SEMA3E: variants seen among roughly 807,000 people sequenced by gnomAD.
The protein encoded by SEMA3E is semaphorin 3E.
In SEMA3E, 49 loss-of-function variants were observed where a neutral mutation model predicts 93.6. The observed-to-expected ratio is 0.52, with a 90% CI of 0.42 to 0.66. The LOEUF (loss-of-function observed/expected upper bound fraction) is 0.66, where lower values mean the gene tolerates loss of function less well. Among genes scored for constraint, SEMA3E ranks in the 30% least tolerant of loss-of-function variants. SEMA3E has a pLI of 0.00. For missense variants in SEMA3E, 906 were observed against 964.8 expected, an observed-to-expected ratio of 0.94 and a Z score of 0.81; for synonymous variants, 363 against 330.7, an observed-to-expected ratio of 1.10 and a Z score of -1.06.
intron 6 of SEMA3E, 103 bp from the exon 7 acceptor site, chr7:83,407,342 C>T (rs1788350329): frequency 4.0e-6 from 4 of 994,376 alleles, no homozygotes; most frequent in South Asian, 3.0e-5. Flanking sequence ...TTAAGTTTAA[C>T]TTTCACCATT....
chr7:83,461,568 G>A (rs897483752), intron 4 of SEMA3E, among the ~76,000 whole-genome samples: 6 of 152,114 alleles, frequency 3.9e-5, no homozygotes, highest in Non-Finnish European at 7.4e-5. Flanking sequence ...ATCAGATAGC[G>A]TTTAGGCTCT....
At chr7:83,390,141 G>A (rs1787984917) in intron 14 of SEMA3E, among the ~76,000 whole-genome samples, 1 of 36,596 alleles carries the variant, frequency 2.7e-5, no homozygotes, top group African/African-American at 9.7e-5. Context: ...GCACATATAT[G>A]CGCGTATACG....
intron 1 of SEMA3E, among the ~76,000 whole-genome samples, chr7:83,580,357 T>C (rs1792494555): frequency 6.6e-6 from 1 of 152,010 alleles, no homozygotes; most frequent in African/African-American, 2.4e-5. Context: ...ACCTTCACCT[T>C]ACCTAAAATG....
intron 1 of SEMA3E, among the ~76,000 whole-genome samples, chr7:83,602,430 C>A (rs143385210): frequency 6.6e-6 from 1 of 152,060 alleles, no homozygotes; most frequent in Non-Finnish European, 1.5e-5. Flanking sequence ...CCTATCCAGA[C>A]AGATATGCCC....
rs533103068 is a variant in SEMA3E, at chr7:83,439,678, CTA to C, written c.457-21197_457-21196del. Among the ~76,000 whole-genome samples the C allele has an allele frequency of 3.9e-5, 6 of 152,294 alleles. No individual in the cohort carries two copies. In the South Asian group the frequency reaches 1.2e-3, roughly 32 times the overall value. On this transcript the variant is annotated intron_variant, in intron 4 of 16. Coordinates refer to ENST00000643230, the MANE Select transcript of SEMA3E (RefSeq NM_012431.3). ...CATACTTGAAATGAGAAAACTTGCT[CTA>C]TGAGTCTTGAGTGTGAGAGCATATT... is the stretch of plus-strand genomic sequence containing the variant.
chr7:83,472,489 T>A (rs372449999), intron 2 of SEMA3E, among the ~76,000 whole-genome samples: 1 of 152,154 alleles, frequency 6.6e-6, no homozygotes, highest in African/African-American at 2.4e-5. Flanking sequence ...AGTCTCCTAC[T>A]TAATATTGTT....
chr7:83,603,291 A>G (rs1793037607), intron 1 of SEMA3E, among the ~76,000 whole-genome samples: 1 of 152,114 alleles, frequency 6.6e-6, no homozygotes, highest in Non-Finnish European at 1.5e-5. Flanking sequence ...TCTAATGAGT[A>G]TTAGATTGTT....
intron 1 of SEMA3E, among the ~76,000 whole-genome samples, chr7:83,533,935 G>C (rs1791356757): frequency 6.6e-6 from 1 of 152,118 alleles, no homozygotes. Context: ...TTCAGGGAGG[G>C]CTTCTTGCCT....
intron 1 of SEMA3E, among the ~76,000 whole-genome samples, chr7:83,561,935 A>G (rs973068278): frequency 6.6e-6 from 1 of 152,098 alleles, no homozygotes; most frequent in Non-Finnish European, 1.5e-5. Flanking sequence ...GCCCTTTTGA[A>G]AGAAAATCAG....
intron 1 of SEMA3E, among the ~76,000 whole-genome samples, chr7:83,555,094 A>G (rs1333329716): frequency 6.6e-6 from 1 of 152,142 alleles, no homozygotes; most frequent in East Asian, 1.9e-4. Context: ...CATTATAGAG[A>G]ATAGGTGCAG....
In SEMA3E at chr7:83,385,291, T is replaced by C. The variant is rs1562755554; in HGVS notation, c.1875+3A>G. ...ATGTTTTGAATATGCAGCTATGAAT[T>C]ACCTCCTCTTTTCTTGTCTCACGTC... On this transcript the variant is annotated splice_donor_region_variant and intron_variant, in intron 16 of 16. Transcript: ENST00000643230. The C allele has an allele frequency of 1.2e-6, 2 of 1,613,066 alleles. No individual in the cohort carries two copies. Among genetic ancestry groups the C allele is most frequent in the Non-Finnish European group, 1.7e-6 (2 of 1,179,302 alleles).
intron 1 of SEMA3E, among the ~76,000 whole-genome samples, chr7:83,631,735 A>C (rs936085128): frequency 6.6e-6 from 1 of 152,224 alleles, no homozygotes; most frequent in South Asian, 2.1e-4. Context: ...AACCACGTGC[A>C]TGAAATAAAG....
At chr7:83,448,061 T>G (rs2115808703) in intron 4 of SEMA3E, among the ~76,000 whole-genome samples, 1 of 152,316 alleles carries the variant, frequency 6.6e-6, no homozygotes, top group East Asian at 1.9e-4. Flanking sequence ...AGAGTTGACT[T>G]ATATTTAAAA....
chr7:83,580,445 T>C (rs1474479540), intron 1 of SEMA3E, among the ~76,000 whole-genome samples: 1 of 152,014 alleles, frequency 6.6e-6, no homozygotes, highest in Admixed American at 6.6e-5. Flanking sequence ...AAATGCTGTA[T>C]GCTCTGGTCA....
intron 1 of SEMA3E, among the ~76,000 whole-genome samples, chr7:83,525,275 A>T (rs1791131822): frequency 1.3e-5 from 2 of 151,798 alleles, no homozygotes; most frequent in South Asian, 2.1e-4. Flanking sequence ...TTTCATTTTA[A>T]TTTTTTTTCC....
chr7:83,542,758 T>A (rs969757009), intron 1 of SEMA3E, among the ~76,000 whole-genome samples: 11 of 152,290 alleles, frequency 7.2e-5, no homozygotes, highest in African/African-American at 2.6e-4. Flanking sequence ...ATGCCATCTC[T>A]TGCTAGACTG....
chr7:83,501,851 A>G (rs1790603322), intron 1 of SEMA3E, among the ~76,000 whole-genome samples: 1 of 152,226 alleles, frequency 6.6e-6, no homozygotes, highest in South Asian at 2.1e-4. Flanking sequence ...AAGCAAATTA[A>G]CTAAAACTGG....
At chr7:83,474,780 C>G (rs2115913862) in intron 2 of SEMA3E, among the ~76,000 whole-genome samples, 1 of 152,242 alleles carries the variant, frequency 6.6e-6, no homozygotes, top group Non-Finnish European at 1.5e-5. Context: ...AGAAGTGAAG[C>G]TGCAGAGTTT....
chr7:83,624,314 T>C (rs946185968), intron 1 of SEMA3E, among the ~76,000 whole-genome samples: 3 of 152,310 alleles, frequency 2.0e-5, no homozygotes, highest in South Asian at 2.1e-4. Context: ...TCTTCAACAA[T>C]GGTTGAAGTA....
Sources: allele counts gnomAD v4.1 joint callset (sites outside exome capture counted in the v4.1 genomes callset), GRCh38; gene constraint gnomAD v4.1.1; transcripts MANE v1.5; gene names NCBI Gene and HGNC (gene_info 2026-07-23, HGNC 2026-07-21).